NFIB: variants seen among roughly 807,000 people sequenced by gnomAD.
NFIB encodes the protein nuclear factor I B, also known as nuclear factor 1 B-type.
A neutral mutation model predicts 61.5 loss-of-function variants in NFIB; 11 were observed. That is an observed-to-expected ratio of 0.18 (90% CI 0.11 to 0.30). NFIB has a LOEUF of 0.30. Ranked by LOEUF, NFIB falls within the 10% of genes least tolerant of loss-of-function variation. The pLI is 1.00. For missense variants in NFIB, 471 were observed against 608.9 expected (o/e 0.77, Z 2.38); for synonymous variants, 260 against 216.5 (o/e 1.20, Z -1.76).
the NFIB span, among the ~76,000 whole-genome samples, chr9:14,502,413 C>A: frequency 3.3e-5 from 5 of 152,236 alleles, no homozygotes; most frequent in South Asian, 2.1e-4. Context: ...CTGAAAGTGA[C>A]CTGAGAAGAT....
chr9:14,281,744 C>A (rs573381065), intron 2 of NFIB, among the ~76,000 whole-genome samples: 3 of 152,230 alleles, frequency 2.0e-5, no homozygotes, highest in Admixed American at 1.3e-4. Context: ...ACAGCATGCT[C>A]CAGGGCATGT....
chr9:14,274,949 C>T (rs2057893910), intron 2 of NFIB, among the ~76,000 whole-genome samples: 1 of 152,200 alleles, frequency 6.6e-6, no homozygotes, highest in Non-Finnish European at 1.5e-5. Context: ...TTTTTGGAAA[C>T]ATTGTTTAGG....
chr9:14,268,911 T>C (rs1466051107), intron 2 of NFIB, among the ~76,000 whole-genome samples: 3 of 152,204 alleles, frequency 2.0e-5, no homozygotes, highest in African/African-American at 7.2e-5. Flanking sequence ...TGGGTTTCAA[T>C]TGTAAACAGT....
chr9:14,224,018 A>G (rs1366739975), intron 2 of NFIB, among the ~76,000 whole-genome samples: 4 of 152,226 alleles, frequency 2.6e-5, no homozygotes, highest in African/African-American at 9.6e-5. Context: ...AAAATAATCT[A>G]AAACAATATT....
chr9:14,144,225 G>A (rs149218954), intron 6 of NFIB, among the ~76,000 whole-genome samples: 1,725 of 152,036 alleles, frequency 0.011, 16 homozygotes, highest in Non-Finnish European at 0.015. Flanking sequence ...TTTGAGATTG[G>A]CTTTATTCAG....
At chr9:14,482,442 C>A in the NFIB span, among the ~76,000 whole-genome samples, 1 of 152,148 alleles carries the variant, frequency 6.6e-6, no homozygotes, top group Non-Finnish European at 1.5e-5. Context: ...TCCCCATTTG[C>A]AGAACCCCTC....
intron 6 of NFIB, among the ~76,000 whole-genome samples, chr9:14,126,460 G>T (rs897984969): frequency 6.6e-6 from 1 of 152,218 alleles, no homozygotes; most frequent in Non-Finnish European, 1.5e-5. Flanking sequence ...CGCCAGCTGC[G>T]ATGTACAGGA....
intron 10 of NFIB, among the ~76,000 whole-genome samples, chr9:14,091,243 G>A (rs561231451): frequency 1.3e-5 from 2 of 151,128 alleles, no homozygotes; most frequent in East Asian, 3.9e-4. Flanking sequence ...AGCTATTTTT[G>A]GTAGTCCTGT....
At chr9:14,486,241 A>G in the NFIB span, among the ~76,000 whole-genome samples, 1 of 152,182 alleles carries the variant, frequency 6.6e-6, no homozygotes, top group African/African-American at 2.4e-5. Context: ...TATGAAAACC[A>G]AATGTCCGGA....
At chr9:14,217,822 T>C (rs2051121756) in intron 2 of NFIB, among the ~76,000 whole-genome samples, 1 of 152,180 alleles carries the variant, frequency 6.6e-6, no homozygotes, top group Admixed American at 6.6e-5. Context: ...TTATACTTTG[T>C]TTCTTTCCCC....
chr9:14,363,532 G>C (rs2061264151), intron 1 of NFIB, among the ~76,000 whole-genome samples: 1 of 151,594 alleles, frequency 6.6e-6, no homozygotes, highest in Admixed American at 6.6e-5. Context: ...TGTTTCTGAA[G>C]ACCCAGCCAT....
chr9:14,220,842 T>TACACAC (rs138623129), intron 2 of NFIB, among the ~76,000 whole-genome samples: 14,971 of 122,834 alleles, frequency 0.12, 1,155 homozygotes, highest in Non-Finnish European at 0.13. Flanking sequence ...TCAATCTCCC[T>TACACAC]ACACACACAC....
chr9:14,463,659 CTTTTTTTTTT>C, the NFIB span, among the ~76,000 whole-genome samples: 1 of 65,824 alleles, frequency 1.5e-5, no homozygotes, highest in African/African-American at 5.1e-5. Flanking sequence ...ATTTGATTTT[CTTTTTTTTTT>C]TTTTTTTTTT....
intron 6 of NFIB, among the ~76,000 whole-genome samples, chr9:14,143,991 A>AGAGTGTGT (rs1554647267): frequency 1.5e-5 from 2 of 134,150 alleles, no homozygotes; most frequent in African/African-American, 5.6e-5. Flanking sequence ...AAAGTGACAG[A>AGAGTGTGT]GTGTGTGTGT....
At chr9:14,184,280 C>T (rs116734162) in intron 2 of NFIB, among the ~76,000 whole-genome samples, 2,340 of 152,218 alleles carry the variant, frequency 0.015, 58 homozygotes, top group African/African-American at 0.053. Context: ...TAAAATAATG[C>T]GAAGCTAAAT....
chr9:14,515,524 G>C, the NFIB span, among the ~76,000 whole-genome samples: 2 of 152,096 alleles, frequency 1.3e-5, no homozygotes, highest in Non-Finnish European at 2.9e-5. Context: ...TGTGGTGCCA[G>C]GAACCCTTTG....
chr9:14,464,686 C>A, the NFIB span, among the ~76,000 whole-genome samples: 3 of 152,084 alleles, frequency 2.0e-5, no homozygotes, highest in East Asian at 5.8e-4. Context: ...TGGCCGAGAC[C>A]CCCCAGGGCC....
At chr9:14,460,275 AC>A in the NFIB span, among the ~76,000 whole-genome samples, 3 of 151,982 alleles carry the variant, frequency 2.0e-5, no homozygotes, top group African/African-American at 4.8e-5. Flanking sequence ...AGGACAAAAA[AC>A]CAAACACCAC....
Position 14,086,531 on chromosome 9 carries a change from T to TTAA in NFIB, c.*1775_*1777dup, listed in dbSNP as rs2032891824. On this transcript the variant is annotated 3_prime_UTR_variant, in exon 11 of 11. Transcript: ENST00000380953. ...ATTGGAAGATGAAAAACATGAAAGG[T>TTAA]TAATAGAAAAAAACACCAAAATACT... 4.8e-6 allele frequency: 1 copy of TTAA among 210,396 alleles called. No individual in the cohort carries two copies. Among genetic ancestry groups the TTAA allele is most frequent in the South Asian group, 1.9e-4 (1 of 5,322 alleles). 13.0% of individuals were successfully genotyped at this position (210,396 alleles called of 1,614,324 possible).
Sources: gnomAD v4.1 joint callset for allele counts (sites outside exome capture counted in the v4.1 genomes callset) on GRCh38, gnomAD v4.1.1 for gene constraint, MANE v1.5 for transcripts, NCBI Gene and HGNC (gene_info 2026-07-23, HGNC 2026-07-21) for gene names.